The following KCNH1 variants were observed in gnomAD, a reference collection of about 807,000 sequenced individuals.
KCNH1 encodes the protein potassium voltage-gated channel subfamily H member 1, also known as voltage-gated delayed rectifier potassium channel KCNH1.
In KCNH1, 27 loss-of-function variants were observed where a neutral mutation model predicts 69.2. That is an observed-to-expected ratio of 0.39 (90% CI 0.29 to 0.54). The LOEUF is 0.54. KCNH1 is among the 20% of genes least tolerant of loss of function. The pLI is 0.68. For missense variants in KCNH1, 798 were observed against 1,261.6 expected, an observed-to-expected ratio of 0.63 and a Z score of 5.57; for synonymous variants, 456 against 487.7, an observed-to-expected ratio of 0.93 and a Z score of 0.86.
At chr1:210,731,385 C>T (rs1427640012) in intron 10 of KCNH1, among the ~76,000 whole-genome samples, 2 of 152,218 alleles carry the variant, frequency 1.3e-5, no homozygotes, top group African/African-American at 4.8e-5. Flanking sequence ...TGCATGGCCT[C>T]AGAGCTTGCA....
intron 5 of KCNH1, among the ~76,000 whole-genome samples, chr1:211,051,806 G>C (rs1412014689): frequency 6.6e-6 from 1 of 152,208 alleles, no homozygotes; most frequent in Non-Finnish European, 1.5e-5. Context: ...CTTAGGATAA[G>C]TAGTATTATA....
Position 211,082,769 on chromosome 1 carries a change from T to A in KCNH1, c.558+11A>T, listed in dbSNP as rs781226335. 1 of 1,606,666 alleles carries A rather than the reference T, an allele frequency of 6.2e-7. No homozygotes were observed. Among genetic ancestry groups the A allele is most frequent in the Admixed American group, 1.7e-5 (1 of 59,924 alleles). The stretch of plus-strand genomic sequence containing the variant: ...AGTGAGGCTCAAGATGAGCTAACCC[T>A]TTGCCCTTACCTCTGCCAGGCGGGA... On this transcript the variant is annotated intron_variant, in intron 5 of 10. Transcript: ENST00000271751.
At chr1:210,724,707 G>T (rs1321680289) in intron 10 of KCNH1, among the ~76,000 whole-genome samples, 2 of 152,146 alleles carry the variant, frequency 1.3e-5, no homozygotes, top group Admixed American at 1.3e-4. Flanking sequence ...GTTGTAGTTT[G>T]ACTTCAGGGT....
rs1387980426 is a variant in KCNH1, at chr1:210,806,824, A to ATATATATATATATATATATATATAT, written c.1463-2659_1463-2658insATATATATATATATATATATATATA. Reference sequence around the variant, plus strand: ...ATCTCTACCAAAAAAAAAAAAAAAAAAAAAAAAAAAAAATATATATATATA... The same window carrying ATATATATATATATATATATATATAT: ...ATCTCTACCAAAAAAAAAAAAAAAAATATATATATATATATATATATATATAAAAAAAAAAAAATATATATATATA... On this transcript the variant is annotated intron_variant, in intron 7 of 10. Transcript: ENST00000271751. Among the ~76,000 whole-genome samples the ATATATATATATATATATATATATAT allele has an allele frequency of 2.2e-4, 10 of 44,918 alleles. 1 individual carries two copies. Among genetic ancestry groups the ATATATATATATATATATATATATAT allele is most frequent in the South Asian group, 2.7e-3 (2 of 744 alleles). The allele number at this position is 44,918 out of a possible 152,430, so 29.5% of individuals were successfully genotyped here.
At chr1:211,074,770 G>A (rs140690113) in intron 5 of KCNH1, among the ~76,000 whole-genome samples, 15 of 152,288 alleles carry the variant, frequency 9.8e-5, no homozygotes, top group Admixed American at 4.6e-4. Flanking sequence ...CCAGTCAGTC[G>A]AAAGGTGTTA....
chr1:210,780,178 T>G (rs1049863640), intron 9 of KCNH1, among the ~76,000 whole-genome samples: 1 of 152,146 alleles, frequency 6.6e-6, no homozygotes, highest in East Asian at 1.9e-4. Context: ...AATTCTGATC[T>G]GAACCCTACA....
intron 5 of KCNH1, among the ~76,000 whole-genome samples, chr1:211,059,922 CA>C (rs1690399740): frequency 6.6e-6 from 1 of 152,252 alleles, no homozygotes; most frequent in East Asian, 1.9e-4. Context: ...CCAACACCTG[CA>C]AAATACACAT....
intron 10 of KCNH1, among the ~76,000 whole-genome samples, chr1:210,742,242 CTT>C (rs1261193354): frequency 3.3e-5 from 5 of 152,324 alleles, no homozygotes; most frequent in Middle Eastern, 3.4e-3. Flanking sequence ...ACAAATCTCA[CTT>C]TATTTCTGGG....
intron 10 of KCNH1, among the ~76,000 whole-genome samples, chr1:210,740,807 A>G (rs1233050067): frequency 6.6e-6 from 1 of 151,394 alleles, no homozygotes; most frequent in African/African-American, 2.4e-5. Context: ...TTTTAAATGT[A>G]AAAACAGAGA....
intron 10 of KCNH1, among the ~76,000 whole-genome samples, chr1:210,740,373 C>T (rs140726083): frequency 6.6e-6 from 1 of 152,214 alleles, no homozygotes; most frequent in East Asian, 1.9e-4. Flanking sequence ...TACCTTCTAA[C>T]AATGGTGACT....
At chr1:211,129,361 ACAAT>A (rs1273575821) in intron 1 of KCNH1, among the ~76,000 whole-genome samples, 1 of 152,244 alleles carries the variant, frequency 6.6e-6, no homozygotes, top group African/African-American at 2.4e-5. Context: ...GGCATCGGAA[ACAAT>A]GAAGCCAAGG....
intron 6 of KCNH1, among the ~76,000 whole-genome samples, chr1:211,013,235 G>A (rs1217318328): frequency 1.3e-5 from 2 of 152,246 alleles, no homozygotes; most frequent in East Asian, 1.9e-4. Flanking sequence ...TCAGTGATAA[G>A]GAAAGCCTGG....
Position 210,735,700 on chromosome 1 carries a change from A to G in KCNH1, c.2112+39648T>C, listed in dbSNP as rs143092401. Among the ~76,000 whole-genome samples the G allele has an allele frequency of 6.6e-5, 10 of 152,116 alleles. No homozygotes were observed. In the East Asian group the frequency reaches 1.7e-3, roughly 27 times the overall value. On this transcript the variant is annotated intron_variant, in intron 10 of 10. Coordinates refer to ENST00000271751, the MANE Select transcript of KCNH1 (RefSeq NM_172362.3). ...AGGGTTTTTACTTGCCTGTGAATCA[A>G]TCTATACCATTCTTTCCCCACAGTT...
At chr1:210,807,215 A>G (rs971530628) in intron 7 of KCNH1, among the ~76,000 whole-genome samples, 4 of 152,100 alleles carry the variant, frequency 2.6e-5, no homozygotes, top group Admixed American at 2.6e-4. Flanking sequence ...GAATTCTTCT[A>G]TCACCACAGA....
intron 7 of KCNH1, chr1:210,861,091 A>G: frequency 2.2e-6 from 2 of 896,298 alleles, no homozygotes; most frequent in Non-Finnish European, 3.7e-6. Context: ...CTGTAAACAA[A>G]AGCTTCTGGG....
At chr1:211,039,985 C>T (rs368427658) in intron 5 of KCNH1, among the ~76,000 whole-genome samples, 19 of 151,918 alleles carry the variant, frequency 1.3e-4, no homozygotes, top group Non-Finnish European at 2.4e-4. Flanking sequence ...GTCAGGAGAT[C>T]GAGACCATCC....
intron 10 of KCNH1, among the ~76,000 whole-genome samples, chr1:210,754,215 G>A (rs553176010): frequency 4.6e-5 from 7 of 152,070 alleles, no homozygotes; most frequent in South Asian, 2.1e-4. Context: ...CACCGCATCC[G>A]GCCCAGACTA....
At position 210,771,097 on chromosome 1, in the gene KCNH1, T is replaced by G. The variant is rs978668584; in HGVS notation, c.2112+4251A>C. Among the ~76,000 whole-genome samples the G allele has an allele frequency of 6.5e-4, 99 of 152,316 alleles. No individual in the cohort carries two copies. The Middle Eastern group carries it at 0.017, about 26-fold the overall frequency. On this transcript the variant is annotated intron_variant, in intron 10 of 10. Transcript: ENST00000271751. ...ACAATATCTGGAGTTGGTAATAATT[T>G]ACTATTTATAGTCTGCAAAGCTCTG...
intron 5 of KCNH1, among the ~76,000 whole-genome samples, chr1:211,068,292 A>C (rs965131135): frequency 6.6e-6 from 1 of 152,250 alleles, no homozygotes; most frequent in African/African-American, 2.4e-5. Flanking sequence ...TTCTGTTTAG[A>C]ACTTCCTACC....
Sources: allele counts gnomAD v4.1 joint callset (sites outside exome capture counted in the v4.1 genomes callset), GRCh38; gene constraint gnomAD v4.1.1; transcripts MANE v1.5; gene names NCBI Gene and HGNC (gene_info 2026-07-23, HGNC 2026-07-21).